The following PZP variants were observed in gnomAD, a reference collection of about 807,000 sequenced individuals.
The protein encoded by PZP is PZP alpha-2-macroglobulin like.
PZP carries 150 observed loss-of-function variants against 179.8 expected under a neutral mutation model. The ratio of observed to expected loss-of-function variants is 0.83; its 90% CI spans 0.73 to 0.96. The LOEUF (loss-of-function observed/expected upper bound fraction) is 0.96, where lower values mean the gene tolerates loss of function less well. Among genes scored for constraint, PZP ranks in the 40% least tolerant of loss-of-function variants. PZP has a pLI of 0.00. For synonymous variants in PZP, 624 were observed against 652.3 expected (o/e 0.96, Z 0.66); for missense variants, 1,689 against 1,764.0 (o/e 0.96, Z 0.76).
chr12:9,162,473 G>A, intron 22 of PZP, 124 bp downstream of exon 22: 1 of 707,746 alleles, frequency 1.4e-6, no homozygotes, highest in Non-Finnish European at 2.4e-6. Flanking sequence ...GAAATATTTA[G>A]TATTATGCTG....
In PZP at chr12:9,158,483, G is replaced by C; in HGVS notation, c.3231C>G (p.Ser1077=). Reference sequence around the variant, plus strand: ...AACAGCCATTGTCCTTCTGCATCTGGGAGAGCCACGTGAGAGATTGGGTAA... The same window carrying C: ...AACAGCCATTGTCCTTCTGCATCTGCGAGAGCCACGTGAGAGATTGGGTAA... ...AHITQSLTWL[S]QMQKDNGCFR... Residue 1077 remains serine (S), a synonymous_variant, in exon 26 of 36, where the codon TCC becomes TCG. Coordinates refer to ENST00000261336, the MANE Select transcript of PZP (RefSeq NM_002864.3). 6.2e-7 allele frequency: 1 copy of C among 1,614,156 alleles called. No individual in the cohort carries two copies. The highest frequency in any genetic ancestry group is 8.5e-7 in the Non-Finnish European group (1 of 1,180,030).
chr12:9,194,749 C>T (rs965699239), intron 10 of PZP, among the ~76,000 whole-genome samples: 3 of 152,100 alleles, frequency 2.0e-5, no homozygotes, highest in East Asian at 1.9e-4. Flanking sequence ...CAGGCGTGAG[C>T]CACCGTGCCC....
downstream of PZP, among the ~76,000 whole-genome samples, chr12:9,146,663 T>C (rs2120447022): frequency 1.3e-5 from 2 of 152,344 alleles, 1 homozygote; most frequent in Middle Eastern, 6.8e-3. Flanking sequence ...TTCCTATCAA[T>C]CAGCCTTGTT....
At chr12:9,154,462 A>C (rs1289372226) in intron 29 of PZP, among the ~76,000 whole-genome samples, 154 bp downstream of exon 29, 1 of 152,196 alleles carries the variant, frequency 6.6e-6, no homozygotes, top group Non-Finnish European at 1.5e-5. Context: ...GGATGTCTTA[A>C]GTCTTTCCTT....
intron 7 of PZP, among the ~76,000 whole-genome samples, chr12:9,198,470 A>G (rs1426484324): frequency 6.6e-6 from 1 of 152,204 alleles, no homozygotes; most frequent in Non-Finnish European, 1.5e-5. Context: ...TTGAATAAAA[A>G]TAAGTACATA....
chr12:9,160,095 A>T, intron 24 of PZP, 70 bp from the exon 25 acceptor site: 1 of 1,417,922 alleles, frequency 7.1e-7, no homozygotes, highest in African/African-American at 1.4e-5. Flanking sequence ...GTTTAGGCTC[A>T]TGCATCCAGG....
At chr12:9,145,167 T>A (rs1939943619), downstream of PZP, among the ~76,000 whole-genome samples, 1 of 152,216 alleles carries the variant, frequency 6.6e-6, no homozygotes, top group Non-Finnish European at 1.5e-5. Context: ...TCAATTTGCA[T>A]TTAAAGTAAT....
chr12:9,139,504 T>G, the PZP span, among the ~76,000 whole-genome samples: 1 of 152,250 alleles, frequency 6.6e-6, no homozygotes, highest in Non-Finnish European at 1.5e-5. Flanking sequence ...GTCTGAATGA[T>G]GTATCCATTA....
the PZP span, among the ~76,000 whole-genome samples, chr12:9,138,609 C>G: frequency 1.3e-5 from 2 of 151,924 alleles, no homozygotes; most frequent in Non-Finnish European, 2.9e-5. Flanking sequence ...TAGAATCTAC[C>G]TGTGAAGCTA....
rs752155946 is a variant in PZP at position 9,165,371 on chromosome 12, G to A, written c.2259-4C>T. 8.7e-6 allele frequency: 14 copies of A among 1,613,646 alleles called. No individual in the cohort carries two copies. Among genetic ancestry groups the A allele is most frequent in the Non-Finnish European group, 1.1e-5 (13 of 1,179,680 alleles). ...TACCTCAGCCACACCTGATGAGCTG[G>A]GGAGGAGGGCAAGTGAAGAACAGAA... On this transcript the variant is annotated splice_polypyrimidine_tract_variant and splice_region_variant and intron_variant, in intron 18 of 35. Coordinates refer to ENST00000261336, the MANE Select transcript of PZP (RefSeq NM_002864.3).
At chr12:9,146,205 C>T (rs973556231), downstream of PZP, among the ~76,000 whole-genome samples, 1 of 151,866 alleles carries the variant, frequency 6.6e-6, no homozygotes, top group Non-Finnish European at 1.5e-5. Flanking sequence ...AGGTTTTCTA[C>T]ACTTTTTATT....
Position 9,192,188 on chromosome 12 carries a change from C to G in PZP, c.1546+5G>C. On this transcript the variant is annotated splice_donor_5th_base_variant and intron_variant, in intron 13 of 35. Transcript: ENST00000261336. The stretch of plus-strand genomic sequence containing the variant: ...GCAAGGAGAGATGAATCTGAGGATA[C>G]TCACTGTCTCCTGACTCCACAGGCA... 6.2e-7 allele frequency: 1 copy of G among 1,611,186 alleles called. No homozygotes were observed. The highest frequency in any genetic ancestry group is 8.5e-7 in the Non-Finnish European group (1 of 1,177,320).
chr12:9,138,305 G>A, the PZP span, among the ~76,000 whole-genome samples: 1 of 151,772 alleles, frequency 6.6e-6, no homozygotes, highest in Non-Finnish European at 1.5e-5. Flanking sequence ...TTCTGTGAAT[G>A]TGGTACAAAT....
downstream of PZP, among the ~76,000 whole-genome samples, chr12:9,146,518 G>A (rs1940017255): frequency 6.6e-6 from 1 of 152,068 alleles, no homozygotes; most frequent in African/African-American, 2.4e-5. Flanking sequence ...TTTCTAGAAT[G>A]TATTTTGTTC....
chr12:9,201,377 AT>A, intron 4 of PZP, 30 bp from the exon 5 acceptor site: 1 of 1,538,280 alleles, frequency 6.5e-7, no homozygotes, highest in Non-Finnish European at 8.9e-7. Context: ...AAGAGATGTG[AT>A]TAGAATTCCA....
intron 4 of PZP, among the ~76,000 whole-genome samples, 195 bp downstream of exon 4, chr12:9,202,124 A>T (rs779938307): frequency 6.6e-6 from 1 of 152,210 alleles, no homozygotes; most frequent in African/African-American, 2.4e-5. Context: ...AAATACTGTT[A>T]TAAGAGAAAG....
chr12:9,192,256 T>C lies in PZP; in HGVS notation c.1483A>G (p.Ile495Val), dbSNP rs370681046. 3.1e-6 allele frequency: 5 copies of C among 1,613,746 alleles called. No individual in the cohort carries two copies. Among genetic ancestry groups the C allele is most frequent in the African/African-American group, 1.3e-5 (1 of 74,876 alleles). ...CTGACGATGACTCCCTTAGCCATGA[T>C]CTGAAATGAAAAAACAGTGAAGGAA... ...ELSELSFHYLIMAKGVIVRSG... is the reference protein window; with the variant it reads ...ELSELSFHYLVMAKGVIVRSG... Residue 495 changes from isoleucine (I) to valine (V), a missense_variant and splice_region_variant, in exon 13 of 36, where the codon ATC becomes GTC. Ile to Val is a conservative substitution (Grantham distance 29). Transcript: ENST00000261336.
rs768481825 is a variant in PZP at position 9,157,767 on chromosome 12, A to G, written c.3369T>C (p.Thr1123=). The change falls in exon 27 of 36, where the codon ACT becomes ACC. Residue 1123 remains threonine (T), a splice_region_variant and synonymous_variant. Transcript: ENST00000261336. ...GGAATGGGATTGAGCTGGTACCTACAGTGACTGGGAGAGGAATTTCCAGAA... is the reference window on the plus strand; with the variant it reads ...GGAATGGGATTGAGCTGGTACCTACGGTGACTGGGAGAGGAATTTCCAGAA... The part of the protein sequence containing the change: ...IALLEIPLPV[T]NPIVRNALFC... The G allele has an allele frequency of 8.1e-6, 13 of 1,613,220 alleles. No individual in the cohort carries two copies. The highest frequency in any genetic ancestry group is 2.2e-5 in the East Asian group (1 of 44,896).
intron 14 of PZP, 107 bp from the exon 15 acceptor site, chr12:9,181,239 T>G: frequency 7.2e-7 from 1 of 1,380,936 alleles, no homozygotes; most frequent in Non-Finnish European, 9.9e-7. Flanking sequence ...ATGACTATGT[T>G]GGTAATGTCA....
Sources: gnomAD v4.1 joint callset for allele counts (sites outside exome capture counted in the v4.1 genomes callset) on GRCh38, gnomAD v4.1.1 for gene constraint, MANE v1.5 for transcripts, NCBI Gene and HGNC (gene_info 2026-07-23, HGNC 2026-07-21) for gene names.